Variants in SLC25A21 observed in about 807,000 individuals in gnomAD.
SLC25A21 encodes mitochondrial 2-oxodicarboxylate carrier.
In SLC25A21, 47 loss-of-function variants were observed where a neutral mutation model predicts 43.8. The observed-to-expected ratio is 1.07, with a 90% CI of 0.85 to 1.37. SLC25A21 has a LOEUF of 1.37. Among genes scored for constraint, SLC25A21 ranks in the 40% most tolerant of loss-of-function variants. The probability of loss-of-function intolerance (pLI) is 0.00; values close to 1 mark genes in which losing one functional copy is unlikely to be tolerated. For synonymous variants in SLC25A21, 131 were observed against 121.3 expected (o/e 1.08, Z -0.52); for missense variants, 352 against 350.2 (o/e 1.00, Z -0.04).
At chr14:37,036,521 G>T (rs1961331064) in intron 1 of SLC25A21, among the ~76,000 whole-genome samples, 1 of 152,140 alleles carries the variant, frequency 6.6e-6, no homozygotes. Context: ...GCCGAGACAG[G>T]GTAGCTTGAG....
intron 3 of SLC25A21, among the ~76,000 whole-genome samples, chr14:36,800,018 T>C (rs572504308): frequency 2.0e-5 from 3 of 152,326 alleles, no homozygotes; most frequent in Admixed American, 1.3e-4. Context: ...TGGCAAAAAC[T>C]GCTATTACTT....
intron 1 of SLC25A21, among the ~76,000 whole-genome samples, chr14:37,070,947 G>T (rs186993516): frequency 3.3e-5 from 5 of 152,214 alleles, no homozygotes; most frequent in African/African-American, 4.8e-5. Flanking sequence ...TTTCCCCGGG[G>T]GAAGGACTCA....
intron 1 of SLC25A21, among the ~76,000 whole-genome samples, chr14:36,895,901 G>A (rs1359615737): frequency 6.6e-6 from 1 of 152,214 alleles, no homozygotes; most frequent in African/African-American, 2.4e-5. Context: ...TGTGGTCTGA[G>A]AGACAGTTTG....
intron 1 of SLC25A21, among the ~76,000 whole-genome samples, chr14:36,910,326 G>C (rs1891652709): frequency 6.6e-6 from 1 of 152,126 alleles, no homozygotes; most frequent in Admixed American, 6.6e-5. Flanking sequence ...GGGGTTTTGA[G>C]TGTCAAGGTG....
At chr14:37,009,034 C>T (rs1328187655) in intron 1 of SLC25A21, among the ~76,000 whole-genome samples, 2 of 152,152 alleles carry the variant, frequency 1.3e-5, no homozygotes, top group Non-Finnish European at 2.9e-5. Flanking sequence ...AAGACGAGAG[C>T]ACATTAGAGC....
chr14:36,951,235 CAAAAAAA>C (rs34543759), intron 1 of SLC25A21, among the ~76,000 whole-genome samples: 2 of 131,684 alleles, frequency 1.5e-5, no homozygotes, highest in African/African-American at 2.8e-5. Flanking sequence ...ACTGCCATTA[CAAAAAAA>C]AAAAAAAAAC....
At chr14:37,000,278 T>G (rs192305572) in intron 1 of SLC25A21, among the ~76,000 whole-genome samples, 4 of 152,266 alleles carry the variant, frequency 2.6e-5, no homozygotes, top group South Asian at 4.1e-4. Flanking sequence ...CAAGCCACCA[T>G]CATCTCTTGT....
At chr14:36,852,568 G>A (rs185509609) in intron 2 of SLC25A21, among the ~76,000 whole-genome samples, 1 of 152,246 alleles carries the variant, frequency 6.6e-6, no homozygotes, top group East Asian at 1.9e-4. Context: ...AATATATAGT[G>A]TGAAATATGT....
rs118147311 is a variant in SLC25A21, at chr14:37,121,057, A to G, written c.70+51224T>C. On this transcript the variant is annotated intron_variant, in intron 1 of 9. Transcript: ENST00000331299. ...ATTATGACCAAGGTCTTTTAACCTT[A>G]AGTGACCTGAAGAAATGTCCCAAAG... Among the ~76,000 whole-genome samples the G allele has an allele frequency of 1.5e-4, 23 of 152,316 alleles. No individual in the cohort carries two copies. In the East Asian group the frequency reaches 4.4e-3, roughly 29 times the overall value.
Position 36,760,903 on chromosome 14 carries a change from G to C in SLC25A21, c.204-26330C>G, listed in dbSNP as rs907105462. ...AGAGAAAGGGGAAAAAAAGGAGAGA[G>C]GAAGAAAGGAAAGAAAGGAAAAAAA... On this transcript the variant is annotated intron_variant, in intron 3 of 9. Coordinates refer to ENST00000331299, the MANE Select transcript of SLC25A21 (RefSeq NM_030631.4). 4.0e-5 allele frequency among the ~76,000 whole-genome samples: 6 copies of C among 151,840 alleles called. No homozygotes were observed. In the South Asian group the frequency reaches 6.2e-4, roughly 16 times the overall value.
chr14:36,795,259 T>A (rs1377243181), intron 3 of SLC25A21, among the ~76,000 whole-genome samples: 1 of 152,150 alleles, frequency 6.6e-6, no homozygotes, highest in Non-Finnish European at 1.5e-5. Flanking sequence ...GTTATTAAGG[T>A]CTTAGGGATC....
At chr14:36,776,234 C>T (rs28612105) in intron 3 of SLC25A21, among the ~76,000 whole-genome samples, 27,578 of 72,032 alleles carry the variant, frequency 0.38, 6,177 homozygotes, top group East Asian at 0.65. Flanking sequence ...TTCTTTCTTT[C>T]TTTCTTTTTT....
At chr14:36,861,228 T>G (rs559833934) in intron 2 of SLC25A21, among the ~76,000 whole-genome samples, 1 of 152,348 alleles carries the variant, frequency 6.6e-6, no homozygotes, top group African/African-American at 2.4e-5. Context: ...ACAGTTATGA[T>G]ATTATATTAT....
chr14:36,871,169 G>T (rs1292189545), intron 2 of SLC25A21, among the ~76,000 whole-genome samples: 1 of 151,942 alleles, frequency 6.6e-6, no homozygotes, highest in African/African-American at 2.4e-5. Flanking sequence ...CAAGGTGATG[G>T]CATCAGGAGT....
At chr14:37,051,383 A>G (rs1280769838) in intron 1 of SLC25A21, among the ~76,000 whole-genome samples, 3 of 152,230 alleles carry the variant, frequency 2.0e-5, no homozygotes, top group Non-Finnish European at 4.4e-5. Flanking sequence ...GCTTCAGTGC[A>G]AGGAGAGGGA....
chr14:37,074,776 C>T lies in SLC25A21; in HGVS notation c.70+97505G>A, dbSNP rs139711731. Among the ~76,000 whole-genome samples, 2,793 of 152,142 alleles carry T rather than the reference C, an allele frequency of 0.018. 204 individuals carry two copies. In the East Asian group the frequency reaches 0.26, roughly 14 times the overall value. On this transcript the variant is annotated intron_variant, in intron 1 of 9. Coordinates refer to ENST00000331299, the MANE Select transcript of SLC25A21 (RefSeq NM_030631.4). Reference sequence around the variant, plus strand: ...GGAACCCGAGAGGCAGAGCCGAGATCGCGCCACTGCACTCCAGCCTGAGTG... The same window carrying T: ...GGAACCCGAGAGGCAGAGCCGAGATTGCGCCACTGCACTCCAGCCTGAGTG...
At chr14:37,122,988 C>T (rs150985074) in intron 1 of SLC25A21, among the ~76,000 whole-genome samples, 229 of 152,300 alleles carry the variant, frequency 1.5e-3, no homozygotes, top group African/African-American at 5.1e-3. Flanking sequence ...TAGATACTTG[C>T]TTCTCAAAAG....
intron 1 of SLC25A21, among the ~76,000 whole-genome samples, chr14:37,027,554 G>T (rs1961119078): frequency 6.6e-6 from 1 of 152,134 alleles, no homozygotes; most frequent in South Asian, 2.1e-4. Flanking sequence ...TGAAGCAGAG[G>T]CTCCCACAAT....
rs186977876 is a variant in SLC25A21 at position 36,728,727 on chromosome 14, T to G, written c.330+780A>C. ...ATACATATCTCAAATATTGTCCATTTCATTGGACAAATGAGGGCATTTTCC... is the reference window on the plus strand; with the variant it reads ...ATACATATCTCAAATATTGTCCATTGCATTGGACAAATGAGGGCATTTTCC... On this transcript the variant is annotated intron_variant, in intron 5 of 9. Coordinates refer to ENST00000331299, the MANE Select transcript of SLC25A21 (RefSeq NM_030631.4). Among the ~76,000 whole-genome samples, 332 of 152,360 alleles carry G rather than the reference T, an allele frequency of 2.2e-3. 2 individuals are homozygous for G. Among genetic ancestry groups the G allele is most frequent in the African/African-American group, 7.6e-3 (316 of 41,580 alleles).
Sources: gnomAD v4.1 joint callset for allele counts (sites outside exome capture counted in the v4.1 genomes callset) on GRCh38, gnomAD v4.1.1 for gene constraint, MANE v1.5 for transcripts, NCBI Gene and HGNC (gene_info 2026-07-23, HGNC 2026-07-21) for gene names.